The following AKAP4 variants were observed in gnomAD, a reference collection of about 807,000 sequenced individuals.
The protein encoded by AKAP4 is A-kinase anchoring protein 4.
A neutral mutation model predicts 42.6 loss-of-function variants in AKAP4; 4 were observed. The ratio of observed to expected loss-of-function variants is 0.09; its 90% confidence interval spans 0.05 to 0.22. The LOEUF is 0.22. Ranked by LOEUF, AKAP4 falls within the 10% of genes least tolerant of loss-of-function variation. The pLI is 1.00. For synonymous variants in AKAP4, 223 were observed against 233.0 expected, an observed-to-expected ratio of 0.96 and a Z score of 0.39; for missense variants, 551 against 630.7, an observed-to-expected ratio of 0.87 and a Z score of 1.35.
At chrX:50,198,597 A>T in intron 2 of AKAP4, 60 bp downstream of exon 2, 1 of 888,728 alleles carries the variant, frequency 1.1e-6, no homozygotes. Context: ...GGGCCCCAGG[A>T]TATCTATACC....
intron 2 of AKAP4, 63 bp from the exon 3 acceptor site, chrX:50,197,657 C>T: frequency 9.9e-7 from 1 of 1,012,110 alleles, no homozygotes; most frequent in Admixed American, 2.3e-5. Context: ...ATTTCTCTTT[C>T]TTGGAGATGA....
In AKAP4 at chrX:50,193,404, C is replaced by T. The variant is rs1935141512; in HGVS notation, c.1309G>A (p.Glu437Lys). 2.5e-6 allele frequency: 3 copies of T among 1,210,090 alleles called. No individual in the cohort carries two copies. The highest frequency in any genetic ancestry group is 1.8e-5 in the South Asian group (1 of 56,801). The change falls in exon 5 of 6, where the codon GAG becomes AAG. Residue 437 changes from glutamate to lysine, a missense_variant. Physicochemically the swap from Glu to Lys is moderately conservative, Grantham distance 56 (BLOSUM62 1). Transcript: ENST00000358526. The stretch of plus-strand genomic sequence containing the variant: ...CTCTGAGACTTAGTCTCCTTCTCCT[C>T]ACCTATAAGGGCACTGACCAAGCGC... ...LKRLVSALIG[E>K]EKETKSQSLS...
In AKAP4 at chrX:50,191,842, G is replaced by T. The variant is rs1280094100; in HGVS notation, c.2409+462C>A. Among the ~76,000 whole-genome samples the T allele has an allele frequency of 2.7e-5, 3 of 110,275 alleles. No individual in the cohort carries two copies. In the Admixed American group the frequency reaches 2.9e-4, roughly 11 times the overall value. ...GGGCACTTGCAGGACCCATGAGTTT[G>T]GGGGAGGAGCATAGGGAAAATAGTA... On this transcript the variant is annotated intron_variant, in intron 5 of 5. Coordinates refer to ENST00000358526, the MANE Select transcript of AKAP4 (RefSeq NM_003886.3).
At chrX:50,191,619 GGT>G (rs34737063) in intron 5 of AKAP4, among the ~76,000 whole-genome samples, 8,261 of 85,457 alleles carry the variant, frequency 0.097, 401 homozygotes, top group African/African-American at 0.2. Context: ...CTGTCAGATA[GGT>G]GTGTGTGTGT....
rs17174079 is a variant in AKAP4, at chrX:50,196,819, G to T, written c.276+72C>A. 469 of 762,964 alleles carry T rather than the reference G, an allele frequency of 6.1e-4. 2 individuals are homozygous for T. In the African/African-American group the frequency reaches 8.9e-3, roughly 14 times the overall value. 62.9% of individuals were successfully genotyped at this position (762,964 alleles called of 1,213,427 possible). A position where few individuals can be genotyped will look rare whatever the true frequency, so the allele number is the denominator to read the frequency against. On this transcript the variant is annotated intron_variant, in intron 4 of 5. Transcript: ENST00000358526. ...TGACAGTAAGTGTCTTACCATGTCT[G>T]ATCCAGAGTCCTCAGACTCATCATT...
intron 5 of AKAP4, among the ~76,000 whole-genome samples, chrX:50,191,618 A>AGG (rs1184153326): frequency 1.2e-5 from 1 of 80,039 alleles, no homozygotes; most frequent in East Asian, 4.1e-4. Flanking sequence ...GCTGTCAGAT[A>AGG]GGTGTGTGTG....
intron 1 of AKAP4, among the ~76,000 whole-genome samples, 182 bp downstream of exon 1, chrX:50,200,681 T>C (rs1557204768): frequency 1.8e-5 from 2 of 112,136 alleles, no homozygotes; most frequent in African/African-American, 3.2e-5. Context: ...GAATCAGAGT[T>C]ATATTGCAAG....
rs781886679 is a variant in AKAP4, at chrX:50,192,514, C to T, written c.2199G>A (p.Lys733=). ...ELEEQAASAN[K]PNFRGTRCIH... is the part of the protein sequence containing the mutation. ...TGCATCTGGTGCCCCTGAAATTGGG[C>T]TTATTTGCCGAGGCTGCTTGTTCTT... Residue 733 remains lysine, a synonymous_variant, in exon 5 of 6, where the codon AAG becomes AAA. Coordinates refer to ENST00000358526, the MANE Select transcript of AKAP4 (RefSeq NM_003886.3). The T allele has an allele frequency of 5.1e-5, 62 of 1,209,594 alleles. No individual in the cohort carries two copies. The highest frequency in any genetic ancestry group is 6.9e-5 in the Non-Finnish European group (62 of 895,126).
In AKAP4 at chrX:50,194,419, G is replaced by T. The variant is rs1178437480; in HGVS notation, c.294C>A (p.Cys98Ter). ...KDQSKTEGSV[C>*]LFKQAPSDPV... ...GATCAGAGGGAGCTTGTTTGAAAAG[G>T]CATACAGATCCCTCTGTCTAAAAAA... The change falls in exon 5 of 6, where the codon TGC (cysteine) becomes TGA (stop). Residue 98 changes from cysteine to a stop codon, truncating the protein, a stop_gained. Transcript: ENST00000358526. LOFTEE classifies it high-confidence loss of function. 8.3e-7 allele frequency: 1 copy of T among 1,202,215 alleles called. No individual in the cohort carries two copies. The highest frequency in any genetic ancestry group is 2.2e-5 in the Admixed American group (1 of 44,959).
chrX:50,193,355 G>A lies in AKAP4; in HGVS notation c.1358C>T (p.Ala453Val), dbSNP rs1557203942. ...SQSLSYASLK[A>V]GSHDPKCRNQ... The stretch of plus-strand genomic sequence containing the variant: ...CCTGCATTTGGGATCATGGGACCCA[G>A]CTTTTAAAGATGCATATGACAGACT... The change falls in exon 5 of 6, where the codon GCT becomes GTT. Residue 453 changes from alanine to valine, a missense_variant. Coordinates refer to ENST00000358526, the MANE Select transcript of AKAP4 (RefSeq NM_003886.3). 1 of 1,211,513 alleles carries A rather than the reference G, an allele frequency of 8.3e-7. No individual in the cohort carries two copies. Among genetic ancestry groups the A allele is most frequent in the East Asian group, 3.0e-5 (1 of 33,845 alleles).
chrX:50,194,951 A>C (rs1057434209), intron 4 of AKAP4, among the ~76,000 whole-genome samples: 1 of 111,877 alleles, frequency 8.9e-6, no homozygotes, highest in Non-Finnish European at 1.9e-5. Flanking sequence ...TACATGTGTG[A>C]ATGTCAAAAT....
chrX:50,197,011 AG>A lies in AKAP4; in HGVS notation c.175-20del. On this transcript the variant is annotated intron_variant, in intron 3 of 5. Coordinates refer to ENST00000358526, the MANE Select transcript of AKAP4 (RefSeq NM_003886.3). ...CAGCATCCTATGGAATTAAAGGGTG[AG>A]ATTCTTAAACAGTTACTTTTGGATA... 2.7e-6 allele frequency: 3 copies of A among 1,109,520 alleles called. No homozygotes were observed. Among genetic ancestry groups the A allele is most frequent in the Non-Finnish European group, 2.5e-6 (2 of 802,617 alleles). The allele number at this position is 1,109,520 out of a possible 1,213,427, so 91.4% of individuals were successfully genotyped here.
rs188175510 is a variant in AKAP4, at chrX:50,191,193, C to A, written c.2410-78G>T. 2.6e-4 allele frequency: 271 copies of A among 1,059,427 alleles called. 3 individuals are homozygous for A. In the East Asian group the frequency reaches 8.3e-3, roughly 32 times the overall value. The allele number at this position is 1,059,427 out of a possible 1,213,427, so 87.3% of individuals were successfully genotyped here. ...ACCTGCTGGACGAAGTTCTACCACCCAACCCCCTCAACCCCTAACCTCCTC... is the reference window on the plus strand; with the variant it reads ...ACCTGCTGGACGAAGTTCTACCACCAAACCCCCTCAACCCCTAACCTCCTC... On this transcript the variant is annotated intron_variant, in intron 5 of 5. Transcript: ENST00000358526.
At chrX:50,195,848 T>C (rs1354222967) in intron 4 of AKAP4, among the ~76,000 whole-genome samples, 1 of 111,339 alleles carries the variant, frequency 9.0e-6, no homozygotes, top group Non-Finnish European at 1.9e-5. Flanking sequence ...TGTATGCCCA[T>C]GTCCAGATAT....
intron 5 of AKAP4, 74 bp from the exon 6 acceptor site, chrX:50,191,189 C>T: frequency 8.9e-7 from 1 of 1,127,061 alleles, no homozygotes; most frequent in Non-Finnish European, 1.2e-6. Flanking sequence ...GAAGTTCTAC[C>T]ACCCAACCCC....
chrX:50,200,591 G>T (rs1298651642), intron 1 of AKAP4, among the ~76,000 whole-genome samples: 2 of 111,971 alleles, frequency 1.8e-5, no homozygotes, highest in Non-Finnish European at 3.8e-5. Flanking sequence ...ATTTTCTCTG[G>T]CTCACAGTCC....
At chrX:50,191,684 GAGAC>G (rs1935114830) in intron 5 of AKAP4, among the ~76,000 whole-genome samples, 1 of 107,282 alleles carries the variant, frequency 9.3e-6, no homozygotes, top group Non-Finnish European at 1.9e-5. Flanking sequence ...GAGAGAGAGA[GAGAC>G]AGAGAGAGAA....
intron 1 of AKAP4, 114 bp downstream of exon 1, chrX:50,200,749 C>G: frequency 1.4e-6 from 1 of 700,796 alleles, no homozygotes; most frequent in Non-Finnish European, 2.2e-6. Context: ...TTCTGGGTAT[C>G]CCAAATAAAA....
chrX:50,191,808 G>A (rs1287488086), intron 5 of AKAP4, among the ~76,000 whole-genome samples: 1 of 110,297 alleles, frequency 9.1e-6, no homozygotes. Context: ...TAAGGAGACA[G>A]GACTCTCAGG....
Sources: gnomAD v4.1 joint callset for allele counts (sites outside exome capture counted in the v4.1 genomes callset) on GRCh38, gnomAD v4.1.1 for gene constraint, MANE v1.5 for transcripts, NCBI Gene and HGNC (gene_info 2026-07-23, HGNC 2026-07-21) for gene names.